Variants in CACNA2D3 observed in about 807,000 individuals in gnomAD.
The protein encoded by CACNA2D3 is calcium voltage-gated channel auxiliary subunit alpha2delta 3.
CACNA2D3 carries 60 observed loss-of-function variants against 160.6 expected under a neutral mutation model. That is an observed-to-expected ratio of 0.37 (90% CI 0.30 to 0.46). The LOEUF (loss-of-function observed/expected upper bound fraction) is 0.46, where lower values mean the gene tolerates loss of function less well. Ranked by LOEUF, CACNA2D3 falls within the 20% of genes least tolerant of loss-of-function variation. The pLI, the probability that CACNA2D3 is intolerant of heterozygous loss-of-function variation, is 1.00. For synonymous variants in CACNA2D3, 558 were observed against 492.9 expected (o/e 1.13, Z -1.75); for missense variants, 1,205 against 1,365.0 (o/e 0.88, Z 1.85).
At chr3:54,742,126 A>C (rs1320255203) in intron 11 of CACNA2D3, among the ~76,000 whole-genome samples, 1 of 152,150 alleles carries the variant, frequency 6.6e-6, no homozygotes, top group Non-Finnish European at 1.5e-5. Context: ...CTCGACTTCA[A>C]ATAGTGCTGG....
Position 55,009,451 on chromosome 3 carries a change from G to A in CACNA2D3, c.2875+8G>A. ...CCGATATGACAGCTAAAGGTGAGCA[G>A]CAACTGGTTTCTGTTTCCCAGCTTG... is the stretch of plus-strand genomic sequence containing the variant. On this transcript the variant is annotated splice_region_variant and intron_variant, in intron 34 of 37. Transcript: ENST00000474759. 1 of 1,613,294 alleles carries A rather than the reference G, an allele frequency of 6.2e-7. No homozygotes were observed. The highest frequency in any genetic ancestry group is 8.5e-7 in the Non-Finnish European group (1 of 1,179,226).
intron 5 of CACNA2D3, among the ~76,000 whole-genome samples, chr3:54,554,982 C>G (rs1264721155): frequency 6.9e-6 from 1 of 145,544 alleles, no homozygotes; most frequent in Non-Finnish European, 1.5e-5. Flanking sequence ...TCAAGCAATC[C>G]TTTCACCTCG....
chr3:54,767,079 G>T (rs9311540), intron 13 of CACNA2D3, among the ~76,000 whole-genome samples: 4,779 of 151,854 alleles, frequency 0.031, 232 homozygotes, highest in African/African-American at 0.11. Flanking sequence ...AGGTGGTGCA[G>T]GGCTTGGGGA....
intron 11 of CACNA2D3, among the ~76,000 whole-genome samples, chr3:54,717,718 C>T (rs1267394308): frequency 1.8e-5 from 2 of 110,562 alleles, no homozygotes; most frequent in Admixed American, 9.8e-5. Flanking sequence ...TGCATGTGTG[C>T]GTGTGCGGTG....
intron 4 of CACNA2D3, among the ~76,000 whole-genome samples, chr3:54,477,290 C>G (rs1185500132): frequency 2.6e-5 from 4 of 151,748 alleles, no homozygotes; most frequent in Admixed American, 2.0e-4. Flanking sequence ...GAATTAGCAG[C>G]TTGGCCAAGG....
intron 3 of CACNA2D3, among the ~76,000 whole-genome samples, chr3:54,373,316 A>C (rs910444721): frequency 1.6e-4 from 25 of 152,188 alleles, no homozygotes; most frequent in African/African-American, 5.5e-4. Context: ...TCCCTTAGAG[A>C]AGTAAATAAG....
At chr3:54,238,523 C>G (rs1701922424) in intron 2 of CACNA2D3, among the ~76,000 whole-genome samples, 1 of 152,152 alleles carries the variant, frequency 6.6e-6, no homozygotes, top group African/African-American at 2.4e-5. Flanking sequence ...CATCACAGAG[C>G]TTCTTATGAT....
intron 26 of CACNA2D3, among the ~76,000 whole-genome samples, chr3:54,898,863 G>A (rs1700262277): frequency 6.6e-6 from 1 of 152,102 alleles, no homozygotes; most frequent in African/African-American, 2.4e-5. Context: ...TAGAGTCCGG[G>A]AAAATCTTAA....
intron 13 of CACNA2D3, among the ~76,000 whole-genome samples, chr3:54,810,677 A>T (rs1189293540): frequency 1.3e-5 from 2 of 152,110 alleles, no homozygotes; most frequent in Admixed American, 6.5e-5. Flanking sequence ...TTTGGTCTTT[A>T]CATATTTCAC....
chr3:54,601,543 A>G (rs1453157718), intron 9 of CACNA2D3, among the ~76,000 whole-genome samples: 2 of 152,110 alleles, frequency 1.3e-5, no homozygotes, highest in Non-Finnish European at 2.9e-5. Flanking sequence ...GGGCCCACCC[A>G]AAGCCTGCAG....
chr3:54,715,514 G>T (rs954417782), intron 11 of CACNA2D3, among the ~76,000 whole-genome samples: 1 of 152,040 alleles, frequency 6.6e-6, no homozygotes, highest in Non-Finnish European at 1.5e-5. Flanking sequence ...GAATATGGGG[G>T]GGGCAGGGGG....
chr3:54,708,796 G>A (rs540227112), intron 11 of CACNA2D3, among the ~76,000 whole-genome samples: 1 of 152,212 alleles, frequency 6.6e-6, no homozygotes, highest in East Asian at 1.9e-4. Flanking sequence ...AGTCTTTTAG[G>A]CATTCATTTA....
intron 30 of CACNA2D3, among the ~76,000 whole-genome samples, chr3:54,986,554 T>G (rs1184503461): frequency 2.0e-5 from 3 of 152,212 alleles, no homozygotes; most frequent in Admixed American, 6.5e-5. Flanking sequence ...GTTGTTTCCT[T>G]CTTCCTCCTT....
At chr3:54,372,453 G>A (rs1033504697) in intron 3 of CACNA2D3, among the ~76,000 whole-genome samples, 8 of 152,230 alleles carry the variant, frequency 5.3e-5, no homozygotes, top group African/African-American at 1.4e-4. Context: ...GGGAAAATAC[G>A]AGCAAAACAT....
intron 9 of CACNA2D3, among the ~76,000 whole-genome samples, chr3:54,582,206 C>T (rs1702689026): frequency 6.6e-6 from 1 of 152,162 alleles, no homozygotes; most frequent in African/African-American, 2.4e-5. Context: ...AAAATTGAAC[C>T]CACTTGTTAT....
chr3:54,243,547 T>TA (rs1280479732), intron 2 of CACNA2D3, among the ~76,000 whole-genome samples: 1 of 152,234 alleles, frequency 6.6e-6, no homozygotes, highest in Non-Finnish European at 1.5e-5. Context: ...TTTCCTTTGT[T>TA]ACACTCATTC....
chr3:54,425,545 G>A (rs1292162851), intron 4 of CACNA2D3, among the ~76,000 whole-genome samples: 1 of 152,198 alleles, frequency 6.6e-6, no homozygotes, highest in Non-Finnish European at 1.5e-5. Context: ...AATTTCCCAT[G>A]TATCCCTGTT....
intron 3 of CACNA2D3, among the ~76,000 whole-genome samples, chr3:54,331,051 A>T (rs893398987): frequency 6.6e-6 from 1 of 152,164 alleles, no homozygotes; most frequent in East Asian, 1.9e-4. Context: ...ATTCATTTTC[A>T]TGGGAATTTC....
In CACNA2D3 at chr3:54,581,819, A is replaced by T. The variant is rs754281334; in HGVS notation, c.905A>T (p.His302Leu). The T allele has an allele frequency of 2.5e-6, 4 of 1,613,636 alleles. No individual in the cohort carries two copies. The highest frequency in any genetic ancestry group is 2.5e-6 in the Non-Finnish European group (3 of 1,179,784). ...FNIIAYNEEL[H>L]YVEPCLNGTL... ...CCTTTGCAGTATAATGAGGAGCTTC[A>T]CTATGTGGAACCTTGCCTGAATGGA... Residue 302 changes from histidine to leucine, a missense_variant, in exon 9 of 38, where the codon CAC (histidine) becomes CTC (leucine). His to Leu is a moderately conservative substitution (Grantham distance 99). This residue lies in a region of CACNA2D3 where 911 missense variants were observed against 1,002.2 expected (regional missense o/e 0.91). Coordinates refer to ENST00000474759, the MANE Select transcript of CACNA2D3 (RefSeq NM_018398.3).
Sources: gnomAD v4.1 joint callset for allele counts (sites outside exome capture counted in the v4.1 genomes callset) on GRCh38, gnomAD v4.1.1 for gene constraint, gnomAD v4.1.1 regional missense constraint, MANE v1.5 for transcripts, NCBI Gene and HGNC (gene_info 2026-07-23, HGNC 2026-07-21) for gene names.